CAMK1D: variants seen among roughly 807,000 people sequenced by gnomAD.
CAMK1D encodes calcium/calmodulin-dependent protein kinase type 1D.
A neutral mutation model predicts 47.7 loss-of-function variants in CAMK1D; 9 were observed. That is an observed-to-expected ratio of 0.19 (90% CI 0.11 to 0.33). The LOEUF (loss-of-function observed/expected upper bound fraction) is 0.33. CAMK1D is among the 10% of genes least tolerant of loss of function. The pLI, the probability that CAMK1D is intolerant of heterozygous loss-of-function variation, is 1.00. For missense variants in CAMK1D, 291 were observed against 488.7 expected (o/e 0.60, Z 3.81); for synonymous variants, 184 against 184.9 (o/e 0.99, Z 0.04).
intron 7 of CAMK1D, among the ~76,000 whole-genome samples, chr10:12,815,371 C>T (rs1832753389): frequency 1.3e-5 from 2 of 152,320 alleles, no homozygotes; most frequent in East Asian, 1.9e-4. Context: ...TTCTAGTCTC[C>T]GTGAGCTATT....
chr10:12,538,516 A>G (rs10906164), intron 1 of CAMK1D, among the ~76,000 whole-genome samples: 8,550 of 152,290 alleles, frequency 0.056, 313 homozygotes, highest in East Asian at 0.12. Context: ...CACGTGGGAC[A>G]GTGTTAAATC....
chr10:12,568,022 A>G (rs543958549), intron 2 of CAMK1D, among the ~76,000 whole-genome samples: 39 of 150,466 alleles, frequency 2.6e-4, no homozygotes, highest in African/African-American at 9.0e-4. Flanking sequence ...AAATATGTCT[A>G]TAGAGTGGTT....
At chr10:12,598,586 C>T (rs930764315) in intron 2 of CAMK1D, among the ~76,000 whole-genome samples, 25 of 152,092 alleles carry the variant, frequency 1.6e-4, no homozygotes, top group African/African-American at 5.3e-4. Flanking sequence ...ATTTAAAAAC[C>T]GTGGATGCTC....
In CAMK1D at chr10:12,607,751, A is replaced by T. The variant is rs565474735; in HGVS notation, c.224+54395A>T. The stretch of plus-strand genomic sequence containing the variant: ...CGCAGTGGGAGGATCACTTGAGATT[A>T]GGAGTTCCAGACCAGCCTAAGCAAC... On this transcript the variant is annotated intron_variant, in intron 2 of 10. Transcript: ENST00000619168. Among the ~76,000 whole-genome samples, 36 of 152,296 alleles carry T rather than the reference A, an allele frequency of 2.4e-4. No individual in the cohort carries two copies. In the East Asian group the frequency reaches 6.2e-3, roughly 26 times the overall value.
intron 1 of CAMK1D, among the ~76,000 whole-genome samples, chr10:12,377,127 A>G (rs1258886133): frequency 2.6e-5 from 4 of 152,164 alleles, no homozygotes; most frequent in African/African-American, 7.2e-5. Flanking sequence ...AAATGAAGAT[A>G]ATAATTTTTG....
intron 3 of CAMK1D, among the ~76,000 whole-genome samples, chr10:12,699,727 C>T (rs1052525439): frequency 5.3e-5 from 8 of 151,596 alleles, no homozygotes; most frequent in African/African-American, 1.9e-4. Flanking sequence ...TCATCTTCCA[C>T]ATCAACTTGT....
At chr10:12,387,465 A>ATATATG (rs71384319) in intron 1 of CAMK1D, among the ~76,000 whole-genome samples, 1 of 126,500 alleles carries the variant, frequency 7.9e-6, no homozygotes, top group Non-Finnish European at 1.6e-5. Context: ...ATATATATAT[A>ATATATG]GACATTGTAA....
chr10:12,789,654 G>A (rs894734496), intron 5 of CAMK1D, among the ~76,000 whole-genome samples: 2 of 152,036 alleles, frequency 1.3e-5, no homozygotes, highest in African/African-American at 2.4e-5. Flanking sequence ...ACTGGGTAAC[G>A]TTGGCCAACT....
intron 1 of CAMK1D, among the ~76,000 whole-genome samples, chr10:12,485,960 T>G (rs1031323667): frequency 2.0e-5 from 3 of 152,118 alleles, no homozygotes; most frequent in Non-Finnish European, 4.4e-5. Context: ...ACGGCCTGAT[T>G]TGAAGGCAGT....
chr10:12,450,019 A>C (rs1193384461), intron 1 of CAMK1D, among the ~76,000 whole-genome samples: 1 of 151,906 alleles, frequency 6.6e-6, no homozygotes, highest in Non-Finnish European at 1.5e-5. Context: ...ACACGTATAT[A>C]AAAAAAGTAA....
At chr10:12,812,154 G>A (rs954085797) in intron 6 of CAMK1D, among the ~76,000 whole-genome samples, 8 of 152,246 alleles carry the variant, frequency 5.3e-5, no homozygotes, top group African/African-American at 1.9e-4. Flanking sequence ...CCAAGGTGGT[G>A]TTTCTAACCT....
At chr10:12,433,902 G>A (rs1310985846) in intron 1 of CAMK1D, among the ~76,000 whole-genome samples, 2 of 152,218 alleles carry the variant, frequency 1.3e-5, no homozygotes, top group African/African-American at 4.8e-5. Flanking sequence ...GTCCCCCAGT[G>A]CATCCTTCTG....
At chr10:12,814,431 T>C in intron 7 of CAMK1D, 124 bp downstream of exon 7, 1 of 565,032 alleles carries the variant, frequency 1.8e-6, no homozygotes, top group Admixed American at 3.1e-5. Context: ...CCTGTCTTGG[T>C]TGGCTGCTGT....
At chr10:12,482,402 G>C (rs1376695240) in intron 1 of CAMK1D, among the ~76,000 whole-genome samples, 1 of 152,166 alleles carries the variant, frequency 6.6e-6, no homozygotes, top group East Asian at 1.9e-4. Context: ...ATAACACCCG[G>C]TAGCCAAAAT....
At chr10:12,774,124 C>G (rs1837168435) in intron 5 of CAMK1D, among the ~76,000 whole-genome samples, 2 of 152,120 alleles carry the variant, frequency 1.3e-5, no homozygotes, top group South Asian at 4.1e-4. Context: ...AAAATCCCCT[C>G]CCTAGTGGCA....
intron 3 of CAMK1D, among the ~76,000 whole-genome samples, chr10:12,694,445 ATG>A (rs1442433731): frequency 1.2e-5 from 1 of 84,586 alleles, no homozygotes; most frequent in East Asian, 3.7e-4. Context: ...TATATAAAAT[ATG>A]AAATATATAT....
intron 2 of CAMK1D, among the ~76,000 whole-genome samples, chr10:12,572,169 G>A (rs1027629789): frequency 2.6e-5 from 4 of 151,744 alleles, no homozygotes; most frequent in African/African-American, 2.4e-5. Context: ...TTGGCTCTAC[G>A]TCCCCACCCA....
intron 5 of CAMK1D, 97 bp downstream of exon 5, chr10:12,769,896 T>C (rs1836963238): frequency 2.1e-6 from 3 of 1,400,844 alleles, no homozygotes; most frequent in Admixed American, 1.9e-5. Flanking sequence ...GTGAAACATA[T>C]GAGCTTGGCA....
chr10:12,420,715 G>A (rs1840022785), intron 1 of CAMK1D, among the ~76,000 whole-genome samples: 1 of 152,148 alleles, frequency 6.6e-6, no homozygotes, highest in Non-Finnish European at 1.5e-5. Context: ...TTACATCAGG[G>A]CCATGAAGAC....
Sources: gnomAD v4.1 joint callset for allele counts (sites outside exome capture counted in the v4.1 genomes callset) on GRCh38, gnomAD v4.1.1 for gene constraint, MANE v1.5 for transcripts, NCBI Gene and HGNC (gene_info 2026-07-23, HGNC 2026-07-21) for gene names.